Variants in NDUFS6 observed in about 807,000 individuals in gnomAD.
The protein encoded by NDUFS6 is NADH:ubiquinone oxidoreductase subunit S6, also known as NADH dehydrogenase [ubiquinone] iron-sulfur protein 6, mitochondrial.
Under a neutral mutation model 13.2 loss-of-function variants are expected in NDUFS6, and 14 were observed. The ratio of observed to expected loss-of-function variants is 1.06; its 90% CI spans 0.70 to 1.66. The LOEUF (loss-of-function observed/expected upper bound fraction) is 1.66, where lower values mean the gene tolerates loss of function less well. Ranked by LOEUF, NDUFS6 falls within the 40% of genes most tolerant of loss-of-function variation. The pLI is 0.00. For missense variants in NDUFS6, 206 were observed against 170.8 expected (o/e 1.21, Z -1.15); for synonymous variants, 95 against 72.3 (o/e 1.31, Z -1.60).
At chr5:1,803,268 T>G (rs1734078057) in intron 2 of NDUFS6, among the ~76,000 whole-genome samples, 1 of 152,238 alleles carries the variant, frequency 6.6e-6, no homozygotes, top group South Asian at 2.1e-4. Context: ...AAAATTCAGC[T>G]GGTTCACTGT....
intron 2 of NDUFS6, among the ~76,000 whole-genome samples, chr5:1,803,846 C>T (rs1734085598): frequency 6.6e-6 from 1 of 152,200 alleles, no homozygotes; most frequent in East Asian, 1.9e-4. Context: ...GGTATATGAA[C>T]TTGACATTTG....
intron 2 of NDUFS6, among the ~76,000 whole-genome samples, chr5:1,808,272 C>T (rs1426388691): frequency 1.3e-5 from 2 of 152,182 alleles, no homozygotes; most frequent in African/African-American, 4.8e-5. Flanking sequence ...CATGGCTGCT[C>T]TCCAGAGCTT....
intron 2 of NDUFS6, among the ~76,000 whole-genome samples, chr5:1,809,793 T>G (rs1234181022): frequency 6.6e-6 from 1 of 152,218 alleles, no homozygotes; most frequent in East Asian, 1.9e-4. Context: ...GAGCAGAACA[T>G]CGCTCACTCC....
Position 1,814,079 on chromosome 5 carries a change from T to G in NDUFS6, c.187-260T>G, listed in dbSNP as rs1023141421. On this transcript the variant is annotated intron_variant, in intron 2 of 3. Coordinates refer to ENST00000274137, the MANE Select transcript of NDUFS6 (RefSeq NM_004553.6). This position sits in a 1 kb window ranked among gnomAD's most constrained non-coding sequence, Gnocchi z 4.9. The stretch of plus-strand genomic sequence containing the variant: ...CCACGGGGCACGTGTCAGCATTTGC[T>G]GGGTCCACGGGGACAGAAGGGAAAG... Among the ~76,000 whole-genome samples the G allele has an allele frequency of 6.6e-6, 1 of 152,246 alleles. No individual in the cohort carries two copies. The highest frequency in any genetic ancestry group is 1.5e-5 in the Non-Finnish European group (1 of 68,050).
Position 1,814,322 on chromosome 5 carries a change from C to T in NDUFS6, c.187-17C>T. 6.2e-7 allele frequency: 1 copy of T among 1,614,178 alleles called. No individual in the cohort carries two copies. Among genetic ancestry groups the T allele is most frequent in the Non-Finnish European group, 8.5e-7 (1 of 1,180,026 alleles). On this transcript the variant is annotated splice_polypyrimidine_tract_variant and intron_variant, in intron 2 of 3. Transcript: ENST00000274137. This position sits in a 1 kb window ranked among gnomAD's most constrained non-coding sequence, Gnocchi z 4.9. ...AGTTTGTGTATTTGTTTACGTAAGT[C>T]TTTCTTCTTGTTCCAGGTGAATGAA...
chr5:1,811,440 ATATC>A (rs1164800411), intron 2 of NDUFS6, among the ~76,000 whole-genome samples: 1 of 152,268 alleles, frequency 6.6e-6, no homozygotes, highest in East Asian at 1.9e-4. Flanking sequence ...TTTAAGTTAA[ATATC>A]TAAGTGGTGT....
chr5:1,806,164 AC>A (rs1411499796), intron 2 of NDUFS6, among the ~76,000 whole-genome samples: 1 of 152,190 alleles, frequency 6.6e-6, no homozygotes, highest in Non-Finnish European at 1.5e-5. Context: ...TAGGCAGCAA[AC>A]CCGGAACATC....
intron 2 of NDUFS6, among the ~76,000 whole-genome samples, chr5:1,804,374 C>G (rs1310693083): frequency 1.3e-5 from 2 of 152,204 alleles, no homozygotes; most frequent in Admixed American, 1.3e-4. Flanking sequence ...CAACTTAAAC[C>G]AAACAGAATC....
In NDUFS6 at chr5:1,802,402, T is replaced by C. The variant is rs371415129; in HGVS notation, c.186+28T>C. On this transcript the variant is annotated intron_variant, in intron 2 of 3. Transcript: ENST00000274137. ...GAGTAAAAAATCTAGTGAAGAGAGG[T>C]AAGCTTTCCTAAAACTTTTATGTAA... 3.8e-6 allele frequency: 6 copies of C among 1,589,056 alleles called. No individual in the cohort carries two copies. The African/African-American group carries it at 8.1e-5, about 21-fold the overall frequency.
chr5:1,814,446 A>T lies in NDUFS6; in HGVS notation c.294A>T (p.Lys98Asn). The T allele has an allele frequency of 6.2e-7, 1 of 1,614,150 alleles. No homozygotes were observed. The highest frequency in any genetic ancestry group is 8.5e-7 in the Non-Finnish European group (1 of 1,180,028). Residue 98 changes from lysine to asparagine, a missense_variant, in exon 3 of 4, where the codon AAA (lysine) becomes AAT (asparagine). Lys to Asn is a moderately conservative substitution (Grantham distance 94). Transcript: ENST00000274137. The surrounding 1 kb of genome is among the most constrained non-coding windows in gnomAD (Gnocchi z 4.9). ...DGGGGALGHP[K>N]VYINLDKETK... ...GCGGGGGAGCTCTTGGCCACCCAAAAGTGTATATAAACTTGGTGCGTAGCT... is the reference window on the plus strand; with the variant it reads ...GCGGGGGAGCTCTTGGCCACCCAAATGTGTATATAAACTTGGTGCGTAGCT...
intron 2 of NDUFS6, among the ~76,000 whole-genome samples, chr5:1,809,560 T>C (rs3776142): frequency 0.74 from 112,078 of 152,162 alleles, 44,415 homozygotes; most frequent in Non-Finnish European, 0.88. Context: ...ACCCTTGAGC[T>C]GCGCACACTA....
chr5:1,807,786 G>A (rs912474638), intron 2 of NDUFS6, among the ~76,000 whole-genome samples: 6 of 152,228 alleles, frequency 3.9e-5, no homozygotes, highest in African/African-American at 1.4e-4. Flanking sequence ...GCTCTCGTGC[G>A]TGCACACACA....
chr5:1,810,361 T>A (rs370371454), intron 2 of NDUFS6, among the ~76,000 whole-genome samples: 9 of 152,152 alleles, frequency 5.9e-5, no homozygotes, highest in African/African-American at 2.2e-4. Flanking sequence ...GTTGAGTTCC[T>A]TCCCTCTACA....
chr5:1,802,764 T>TA lies in NDUFS6; in HGVS notation c.186+391dup, dbSNP rs774321910. Reference sequence around the variant, plus strand: ...TTAGTGTGTGTTTTTTACAGGGACTTACACTGACAAGCTGAAAATGGCACA... The same window carrying TA: ...TTAGTGTGTGTTTTTTACAGGGACTTAACACTGACAAGCTGAAAATGGCACA... On this transcript the variant is annotated intron_variant, in intron 2 of 3. Transcript: ENST00000274137. Among the ~76,000 whole-genome samples, 136 of 152,342 alleles carry TA rather than the reference T, an allele frequency of 8.9e-4. 1 individual carries two copies. Among genetic ancestry groups the TA allele is most frequent in the African/African-American group, 2.7e-3 (113 of 41,570 alleles).
In NDUFS6 at chr5:1,805,204, G is replaced by T. The variant is rs1456632558; in HGVS notation, c.186+2830G>T. Among the ~76,000 whole-genome samples the T allele has an allele frequency of 2.6e-5, 4 of 152,172 alleles. No homozygotes were observed. The South Asian group carries it at 8.3e-4, about 32-fold the overall frequency. Reference sequence around the variant, plus strand: ...AAATTAGCCTAGCATGGTGGCACATGCCTGTAGCTCAAGCAACGTGGGAGG... The same window carrying T: ...AAATTAGCCTAGCATGGTGGCACATTCCTGTAGCTCAAGCAACGTGGGAGG... On this transcript the variant is annotated intron_variant, in intron 2 of 3. Coordinates refer to ENST00000274137, the MANE Select transcript of NDUFS6 (RefSeq NM_004553.6).
intron 1 of NDUFS6, 69 bp downstream of exon 1, chr5:1,801,618 C>G: frequency 1.3e-6 from 2 of 1,515,078 alleles, no homozygotes; most frequent in Non-Finnish European, 1.8e-6. Context: ...GCAGTGGGCT[C>G]GCCGGGCATC....
Position 1,814,462 on chromosome 5 carries a change from G to C in NDUFS6, c.309+1G>C, listed in dbSNP as rs1169689300. On this transcript the variant is annotated splice_donor_variant, in intron 3 of 3. Coordinates refer to ENST00000274137, the MANE Select transcript of NDUFS6 (RefSeq NM_004553.6). LOFTEE classifies it high-confidence loss of function. The surrounding 1 kb of genome is among the most constrained non-coding windows in gnomAD (Gnocchi z 4.9). ...CCACCCAAAAGTGTATATAAACTTG[G>C]TGCGTAGCTGGCCACCTGTGCACAT... is the stretch of plus-strand genomic sequence containing the variant. The C allele has an allele frequency of 1.2e-6, 2 of 1,614,050 alleles. No homozygotes were observed. The highest frequency in any genetic ancestry group is 1.7e-6 in the Non-Finnish European group (2 of 1,180,032).
intron 2 of NDUFS6, among the ~76,000 whole-genome samples, chr5:1,811,702 T>C (rs1734222151): frequency 6.6e-6 from 1 of 152,258 alleles, no homozygotes; most frequent in East Asian, 1.9e-4. Context: ...ATGTCTCTTG[T>C]CTCTGCATGT....
At chr5:1,810,725 A>C (rs552325575) in intron 2 of NDUFS6, among the ~76,000 whole-genome samples, 1 of 151,520 alleles carries the variant, frequency 6.6e-6, no homozygotes, top group East Asian at 1.9e-4. Context: ...AGCTCCTCTA[A>C]TGGTTGTCGG....
Sources: allele counts gnomAD v4.1 joint callset (sites outside exome capture counted in the v4.1 genomes callset), GRCh38; gene constraint gnomAD v4.1.1; non-coding constraint Gnocchi (gnomAD v3.1); transcripts MANE v1.5; gene names NCBI Gene and HGNC (gene_info 2026-07-23, HGNC 2026-07-21).